The following RGS7 variants were observed in gnomAD, a reference collection of about 807,000 sequenced individuals.
The protein encoded by RGS7 is regulator of G-protein signaling 7.
Under a neutral mutation model 81.1 loss-of-function variants are expected in RGS7, and 27 were observed. The ratio of observed to expected loss-of-function variants is 0.33; its 90% CI spans 0.25 to 0.46. The LOEUF is 0.46. Ranked by LOEUF, RGS7 falls within the 20% of genes least tolerant of loss-of-function variation. The pLI, the probability that RGS7 is intolerant of heterozygous loss-of-function variation, is 1.00. For missense variants in RGS7, 396 were observed against 607.4 expected, an observed-to-expected ratio of 0.65 and a Z score of 3.66; for synonymous variants, 208 against 207.7, an observed-to-expected ratio of 1.00 and a Z score of -0.01.
intron 15 of RGS7, among the ~76,000 whole-genome samples, chr1:240,803,857 C>CT (rs893887255): frequency 3.4e-4 from 50 of 146,330 alleles, no homozygotes; most frequent in South Asian, 4.3e-4. Flanking sequence ...TCTTTTCTTT[C>CT]TTTTTTTTTT....
intron 4 of RGS7, among the ~76,000 whole-genome samples, chr1:240,967,715 T>C (rs1407452810): frequency 8.6e-5 from 13 of 152,046 alleles, no homozygotes; most frequent in Non-Finnish European, 7.4e-5. Flanking sequence ...CTCGTTCCAA[T>C]GATAAAGCCA....
At chr1:241,344,064 T>C (rs1371513193) in intron 2 of RGS7, among the ~76,000 whole-genome samples, 1 of 152,146 alleles carries the variant, frequency 6.6e-6, no homozygotes, top group Admixed American at 6.5e-5. Context: ...AAAATTTATA[T>C]CCTAAATGAT....
chr1:240,914,962 A>G (rs1053065351), intron 6 of RGS7, among the ~76,000 whole-genome samples: 4 of 152,166 alleles, frequency 2.6e-5, no homozygotes, highest in African/African-American at 9.7e-5. Context: ...TCGAGGCTCA[A>G]TGTGGATTAA....
intron 3 of RGS7, among the ~76,000 whole-genome samples, chr1:240,996,924 T>A (rs1187327055): frequency 6.6e-6 from 1 of 152,158 alleles, no homozygotes; most frequent in Non-Finnish European, 1.5e-5. Context: ...TAATATTTTT[T>A]AAAATCCATT....
chr1:240,796,329 A>C (rs1264926071), intron 18 of RGS7, among the ~76,000 whole-genome samples: 3 of 152,194 alleles, frequency 2.0e-5, no homozygotes, highest in African/African-American at 7.2e-5. Flanking sequence ...TTCTATTTCA[A>C]ATAAGAGGAT....
chr1:241,137,185 T>C lies in RGS7; in HGVS notation c.79-38423A>G, dbSNP rs148542371. 1.5e-3 allele frequency among the ~76,000 whole-genome samples: 236 copies of C among 152,276 alleles called. 1 individual carries two copies. Among genetic ancestry groups the C allele is most frequent in the Admixed American group, 3.7e-3 (56 of 15,302 alleles). ...ATCTATGTTGTTCAATGTTGTACTA[T>C]CAAAGACCGTATTTTATTGGCATTT... On this transcript the variant is annotated intron_variant, in intron 2 of 18. Coordinates refer to ENST00000440928, the MANE Select transcript of RGS7 (RefSeq NM_001364886.1).
chr1:241,191,937 C>T lies in RGS7; in HGVS notation c.79-93175G>A, dbSNP rs762388076. 1.0e-3 allele frequency among the ~76,000 whole-genome samples: 156 copies of T among 152,300 alleles called. 1 individual carries two copies. The highest frequency in any genetic ancestry group is 1.8e-3 in the Non-Finnish European group (124 of 68,026). ...TCTAACAGAGATGTAAATTCAGGCT[C>T]CTTCCTGGGCTGCCTCTGTTATCAC... On this transcript the variant is annotated intron_variant, in intron 2 of 18. Coordinates refer to ENST00000440928, the MANE Select transcript of RGS7 (RefSeq NM_001364886.1).
At chr1:241,267,029 G>A (rs937939558) in intron 2 of RGS7, among the ~76,000 whole-genome samples, 5 of 152,106 alleles carry the variant, frequency 3.3e-5, no homozygotes, top group Admixed American at 6.6e-5. Context: ...CTACAAATCC[G>A]GAAATCATTC....
intron 3 of RGS7, among the ~76,000 whole-genome samples, chr1:241,022,273 T>C (rs572735012): frequency 2.0e-5 from 3 of 152,314 alleles, no homozygotes; most frequent in East Asian, 1.9e-4. Flanking sequence ...CTCCAAGCTG[T>C]CCTTGTTCAT....
intron 2 of RGS7, among the ~76,000 whole-genome samples, chr1:241,321,081 A>C (rs1464467932): frequency 2.0e-5 from 3 of 152,236 alleles, no homozygotes; most frequent in African/African-American, 7.2e-5. Context: ...TGGAAAAGAT[A>C]ATTTTATGAA....
intron 3 of RGS7, 102 bp from the exon 4 acceptor site, chr1:240,983,231 T>C: frequency 1.2e-3 from 596 of 518,032 alleles, no homozygotes; most frequent in Non-Finnish European, 1.5e-3. Context: ...TAGAAGGAAC[T>C]TTTCTAATTG....
intron 2 of RGS7, among the ~76,000 whole-genome samples, chr1:241,231,727 C>T (rs1232846861): frequency 6.6e-6 from 1 of 152,202 alleles, no homozygotes; most frequent in Non-Finnish European, 1.5e-5. Flanking sequence ...ATTCTGAATA[C>T]ATGTCTTTAT....
At chr1:241,282,255 CT>C (rs1448914497) in intron 2 of RGS7, among the ~76,000 whole-genome samples, 6 of 152,158 alleles carry the variant, frequency 3.9e-5, no homozygotes, top group Non-Finnish European at 2.9e-5. Flanking sequence ...GCAGTATTTT[CT>C]TTTCTGTTCC....
chr1:241,097,063 T>C (rs1409776973), intron 3 of RGS7, among the ~76,000 whole-genome samples: 1 of 152,036 alleles, frequency 6.6e-6, no homozygotes, highest in Non-Finnish European at 1.5e-5. Flanking sequence ...GCTAGGGACA[T>C]GTGCAAAATA....
intron 2 of RGS7, among the ~76,000 whole-genome samples, chr1:241,316,894 T>C (rs942158844): frequency 1.3e-5 from 2 of 152,214 alleles, no homozygotes; most frequent in African/African-American, 4.8e-5. Context: ...TTTAATAGTT[T>C]TCAGATACAG....
At chr1:241,253,343 C>T (rs2076918917) in intron 2 of RGS7, among the ~76,000 whole-genome samples, 1 of 152,150 alleles carries the variant, frequency 6.6e-6, no homozygotes, top group Non-Finnish European at 1.5e-5. Context: ...GCTTAAACCT[C>T]CATACTGTGG....
intron 2 of RGS7, among the ~76,000 whole-genome samples, chr1:241,157,409 T>C (rs1260362995): frequency 6.6e-6 from 1 of 152,186 alleles, no homozygotes; most frequent in Non-Finnish European, 1.5e-5. Context: ...TAGGCTTCCC[T>C]CCATGACTCA....
chr1:241,124,710 G>C (rs10158420), intron 2 of RGS7, among the ~76,000 whole-genome samples: 39,808 of 152,076 alleles, frequency 0.26, 6,367 homozygotes, highest in African/African-American at 0.45. Flanking sequence ...AGTGCACGGG[G>C]CCCATTTGGT....
chr1:240,822,214 A>G (rs986341473), intron 10 of RGS7, among the ~76,000 whole-genome samples: 2 of 152,186 alleles, frequency 1.3e-5, no homozygotes, highest in Non-Finnish European at 2.9e-5. Context: ...CTGTCTCCAG[A>G]CTGCCTTTTT....
Sources: allele counts gnomAD v4.1 joint callset (sites outside exome capture counted in the v4.1 genomes callset), GRCh38; gene constraint gnomAD v4.1.1; transcripts MANE v1.5; gene names NCBI Gene and HGNC (gene_info 2026-07-23, HGNC 2026-07-21).